The following ZNF385B variants were observed in gnomAD, a reference collection of about 807,000 sequenced individuals.
ZNF385B encodes the protein zinc finger protein 533.
ZNF385B carries 23 observed loss-of-function variants against 39.2 expected under a neutral mutation model. The ratio of observed to expected loss-of-function variants is 0.59; its 90% CI spans 0.42 to 0.83. The LOEUF (loss-of-function observed/expected upper bound fraction) is 0.83, where lower values mean the gene tolerates loss of function less well. Ranked by LOEUF, ZNF385B falls within the 40% of genes least tolerant of loss-of-function variation. The pLI is 0.00. For synonymous variants in ZNF385B, 205 were observed against 222.6 expected (o/e 0.92, Z 0.70); for missense variants, 552 against 598.9 (o/e 0.92, Z 0.82).
intron 3 of ZNF385B, among the ~76,000 whole-genome samples, chr2:179,663,299 A>G (rs955172075): frequency 1.3e-5 from 2 of 152,234 alleles, no homozygotes; most frequent in Non-Finnish European, 2.9e-5. Flanking sequence ...GTGTATTATC[A>G]GTCATCCCTC....
At chr2:179,476,485 A>G (rs1475069043) in intron 6 of ZNF385B, among the ~76,000 whole-genome samples, 1 of 152,244 alleles carries the variant, frequency 6.6e-6, no homozygotes, top group Non-Finnish European at 1.5e-5. Flanking sequence ...ACAGACACTC[A>G]GTAAATCACA....
At chr2:179,602,663 A>G (rs1484910550) in intron 3 of ZNF385B, among the ~76,000 whole-genome samples, 1 of 152,216 alleles carries the variant, frequency 6.6e-6, no homozygotes, top group African/African-American at 2.4e-5. Context: ...ACAGTGGTAA[A>G]TACCACGTAA....
rs1315408673 is a variant in ZNF385B at position 179,861,294 on chromosome 2, A to T, written c.-348T>A. On this transcript the variant is annotated 5_prime_UTR_variant, in exon 1 of 10. Transcript: ENST00000410066. ...CGGCGGTGGAGGTGGCGCGGGCGAC[A>T]GCTCGGCCCGGCGCGGCCCCTGAAC... 6.4e-6 allele frequency: 1 copy of T among 156,804 alleles called. No individual in the cohort carries two copies. Among genetic ancestry groups the T allele is most frequent in the Non-Finnish European group, 1.4e-5 (1 of 71,742 alleles). 9.7% of individuals were successfully genotyped at this position (156,804 alleles called of 1,614,324 possible).
At chr2:179,636,488 A>C (rs1691764678) in intron 3 of ZNF385B, among the ~76,000 whole-genome samples, 1 of 152,200 alleles carries the variant, frequency 6.6e-6, no homozygotes, top group African/African-American at 2.4e-5. Flanking sequence ...ATGAAGGAAA[A>C]GCTGGAATGG....
intron 1 of ZNF385B, among the ~76,000 whole-genome samples, chr2:179,798,022 T>C (rs1371736456): frequency 6.6e-6 from 1 of 152,178 alleles, no homozygotes; most frequent in African/African-American, 2.4e-5. Context: ...TCCCTGTGTT[T>C]ATTTCAAAGT....
chr2:179,677,185 A>G (rs1696950594), intron 3 of ZNF385B, among the ~76,000 whole-genome samples: 1 of 152,216 alleles, frequency 6.6e-6, no homozygotes, highest in Non-Finnish European at 1.5e-5. Flanking sequence ...AGAGACATGC[A>G]CTCACTCCAG....
intron 1 of ZNF385B, among the ~76,000 whole-genome samples, chr2:179,831,980 G>C (rs1193861167): frequency 6.6e-6 from 1 of 152,212 alleles, no homozygotes; most frequent in East Asian, 1.9e-4. Context: ...AACAAATTAT[G>C]ATAGGGTGTG....
At chr2:179,495,028 G>T (rs944271688) in intron 5 of ZNF385B, among the ~76,000 whole-genome samples, 9 of 152,082 alleles carry the variant, frequency 5.9e-5, no homozygotes, top group Non-Finnish European at 8.8e-5. Flanking sequence ...TATCAGCACG[G>T]CCACAGAGGG....
At chr2:179,534,074 G>C (rs541982663) in intron 4 of ZNF385B, among the ~76,000 whole-genome samples, 1 of 152,310 alleles carries the variant, frequency 6.6e-6, no homozygotes, top group South Asian at 2.1e-4. Flanking sequence ...AGGCAGTCAA[G>C]TGACTGTGAT....
At chr2:179,647,720 C>A (rs1272097890) in intron 3 of ZNF385B, among the ~76,000 whole-genome samples, 1 of 152,154 alleles carries the variant, frequency 6.6e-6, no homozygotes, top group East Asian at 1.9e-4. Flanking sequence ...AAAACATACA[C>A]TAACAACATC....
chr2:179,610,455 T>C (rs758143481), intron 3 of ZNF385B, among the ~76,000 whole-genome samples: 1 of 152,172 alleles, frequency 6.6e-6, no homozygotes, highest in Admixed American at 6.5e-5. Flanking sequence ...TTGGTTACTA[T>C]AGATCTGTAA....
At chr2:179,611,552 C>T (rs1689290838) in intron 3 of ZNF385B, among the ~76,000 whole-genome samples, 1 of 152,130 alleles carries the variant, frequency 6.6e-6, no homozygotes, top group Non-Finnish European at 1.5e-5. Flanking sequence ...TAATACTGGC[C>T]TCGTGGAATG....
intron 3 of ZNF385B, among the ~76,000 whole-genome samples, chr2:179,695,538 G>T (rs138441867): frequency 6.6e-6 from 1 of 152,108 alleles, no homozygotes; most frequent in African/African-American, 2.4e-5. Flanking sequence ...ATGGGAGAGA[G>T]ATTTAAACAG....
intron 3 of ZNF385B, among the ~76,000 whole-genome samples, chr2:179,623,062 C>A (rs79549589): frequency 6.6e-6 from 1 of 152,138 alleles, no homozygotes; most frequent in Non-Finnish European, 1.5e-5. Flanking sequence ...TGGCACTTGG[C>A]GCTAAGAAGT....
chr2:179,837,117 C>T (rs1294264231), intron 1 of ZNF385B, among the ~76,000 whole-genome samples: 7 of 152,078 alleles, frequency 4.6e-5, no homozygotes, highest in Non-Finnish European at 1.0e-4. Flanking sequence ...TCCTAGGCAC[C>T]TAAAAACTGA....
intron 3 of ZNF385B, among the ~76,000 whole-genome samples, chr2:179,639,430 A>G (rs760127095): frequency 1.6e-4 from 25 of 152,228 alleles, no homozygotes; most frequent in Non-Finnish European, 3.4e-4. Context: ...ACCACAAAAA[A>G]TAAGTATGTG....
chr2:179,659,225 T>A (rs1694175204), intron 3 of ZNF385B, among the ~76,000 whole-genome samples: 1 of 152,230 alleles, frequency 6.6e-6, no homozygotes, highest in Non-Finnish European at 1.5e-5. Context: ...CTGTTTAGCC[T>A]TTATTAACTG....
At chr2:179,847,227 A>C (rs868197072) in intron 1 of ZNF385B, among the ~76,000 whole-genome samples, 6 of 152,260 alleles carry the variant, frequency 3.9e-5, no homozygotes, top group African/African-American at 7.2e-5. Flanking sequence ...CTTTCTACAC[A>C]AAGTTATTTC....
intron 3 of ZNF385B, among the ~76,000 whole-genome samples, chr2:179,689,850 TG>T (rs1453152024): frequency 2.0e-5 from 3 of 151,572 alleles, no homozygotes; most frequent in Non-Finnish European, 4.4e-5. Context: ...TCCCAGACTT[TG>T]GTTCTACACT....
Sources: gnomAD v4.1 joint callset for allele counts (sites outside exome capture counted in the v4.1 genomes callset) on GRCh38, gnomAD v4.1.1 for gene constraint, MANE v1.5 for transcripts, NCBI Gene and HGNC (gene_info 2026-07-23, HGNC 2026-07-21) for gene names.